GLCE: variants seen among roughly 807,000 people sequenced by gnomAD.
GLCE encodes glucuronic acid epimerase.
Under a neutral mutation model 47.9 loss-of-function variants are expected in GLCE, and 19 were observed. The observed-to-expected ratio is 0.40, with a 90% CI of 0.28 to 0.58. GLCE has a LOEUF of 0.58. GLCE is among the 20% of genes least tolerant of loss of function. The pLI is 0.48. For synonymous variants in GLCE, 245 were observed against 263.4 expected, an observed-to-expected ratio of 0.93 and a Z score of 0.68; for missense variants, 556 against 743.3, an observed-to-expected ratio of 0.75 and a Z score of 2.93.
chr15:69,209,249 CTT>C (rs1036526653), intron 1 of GLCE, among the ~76,000 whole-genome samples: 4 of 151,554 alleles, frequency 2.6e-5, no homozygotes, highest in African/African-American at 9.7e-5. Flanking sequence ...ATTTTAATAT[CTT>C]TGTTTTCTTG....
chr15:69,190,496 G>C (rs1233803252), intron 1 of GLCE, among the ~76,000 whole-genome samples: 1 of 151,978 alleles, frequency 6.6e-6, no homozygotes, highest in Non-Finnish European at 1.5e-5. Flanking sequence ...TTTTCTTCTT[G>C]ATGAATTCAT....
At position 69,270,918 on chromosome 15, in the gene GLCE, A is replaced by G. The variant is rs1229892545; in HGVS notation, c.*1674A>G. The G allele has an allele frequency of 6.6e-6, 1 of 152,206 alleles. No individual in the cohort carries two copies. 9.4% of individuals were successfully genotyped at this position (152,206 alleles called of 1,614,324 possible). A position where few individuals can be genotyped will look rare whatever the true frequency, so the allele number is the denominator to read the frequency against. ...AGCTTTTGACCTTTGCATTTCATAT[A>G]TGTTAGATGTCTCAGCAAGAATATC... is the stretch of plus-strand genomic sequence containing the variant. On this transcript the variant is annotated 3_prime_UTR_variant, in exon 5 of 5. Transcript: ENST00000261858.
intron 1 of GLCE, among the ~76,000 whole-genome samples, chr15:69,209,488 T>C (rs2052198662): frequency 6.6e-6 from 1 of 151,482 alleles, no homozygotes; most frequent in African/African-American, 2.4e-5. Context: ...TTTTCAAAAC[T>C]TTTGCCATAT....
At chr15:69,259,231 A>G (rs1313692050) in intron 3 of GLCE, among the ~76,000 whole-genome samples, 1 of 152,104 alleles carries the variant, frequency 6.6e-6, no homozygotes, top group Non-Finnish European at 1.5e-5. Flanking sequence ...TTAAAAATGT[A>G]TTTGTGTGAA....
At chr15:69,264,239 T>A (rs1004789081) in intron 4 of GLCE, among the ~76,000 whole-genome samples, 1 of 146,762 alleles carries the variant, frequency 6.8e-6, no homozygotes, top group African/African-American at 2.5e-5. Context: ...CACATATAAG[T>A]GAGATCATAC....
intron 2 of GLCE, among the ~76,000 whole-genome samples, chr15:69,226,933 T>C (rs1459978591): frequency 6.6e-6 from 1 of 151,668 alleles, no homozygotes; most frequent in East Asian, 1.9e-4. Flanking sequence ...TTAGTAGAGA[T>C]AGGGTTTCGC....
chr15:69,256,170 G>A lies in GLCE; in HGVS notation c.364G>A (p.Glu122Lys). 1 of 1,614,084 alleles carries A rather than the reference G, an allele frequency of 6.2e-7. No individual in the cohort carries two copies. The highest frequency in any genetic ancestry group is 8.5e-7 in the Non-Finnish European group (1 of 1,179,930). Reference protein sequence around the residue: ...NDEHTIKGRREGNEVFLPFTW... With the variant: ...NDEHTIKGRRKGNEVFLPFTW... ...TGAACACACAATTAAAGGGAGACGA[G>A]AGGGGAACGAAGTCTTTCTTCCATT... is the stretch of plus-strand genomic sequence containing the variant. The change falls in exon 3 of 5, where the codon GAG becomes AAG. Residue 122 changes from glutamate to lysine, a missense_variant. Glu to Lys is a moderately conservative substitution (Grantham distance 56). This residue lies in a region of GLCE where 237 missense variants were observed against 310.9 expected (regional missense o/e 0.76). Coordinates refer to ENST00000261858, the MANE Select transcript of GLCE (RefSeq NM_015554.3).
intron 3 of GLCE, chr15:69,260,855 C>G (rs1319043634): frequency 1.7e-5 from 8 of 470,280 alleles, no homozygotes; most frequent in Non-Finnish European, 3.0e-5. Context: ...TATAGCGTTG[C>G]ACTATTTGTT....
At chr15:69,195,236 A>G (rs1006063275) in intron 1 of GLCE, among the ~76,000 whole-genome samples, 6 of 152,190 alleles carry the variant, frequency 3.9e-5, no homozygotes, top group Non-Finnish European at 8.8e-5. Context: ...AATGATATTT[A>G]TAAGTATTTT....
chr15:69,176,726 A>G (rs2140335663), intron 1 of GLCE, among the ~76,000 whole-genome samples: 1 of 152,342 alleles, frequency 6.6e-6, no homozygotes, highest in African/African-American at 2.4e-5. Flanking sequence ...AGCATTTAAC[A>G]GTGCCTCATA....
At chr15:69,201,980 A>T (rs564360049) in intron 1 of GLCE, among the ~76,000 whole-genome samples, 2 of 152,100 alleles carry the variant, frequency 1.3e-5, no homozygotes, top group South Asian at 4.2e-4. Flanking sequence ...GTGCATTGGT[A>T]TGAGCACAGG....
chr15:69,215,714 A>G (rs1030545495), intron 2 of GLCE, among the ~76,000 whole-genome samples: 3 of 152,202 alleles, frequency 2.0e-5, no homozygotes, highest in South Asian at 2.1e-4. Flanking sequence ...CCTGCCACCA[A>G]TATATAAGAA....
chr15:69,225,043 G>A (rs1478148715), intron 2 of GLCE, among the ~76,000 whole-genome samples: 1 of 152,150 alleles, frequency 6.6e-6, no homozygotes, highest in Non-Finnish European at 1.5e-5. Flanking sequence ...TAGAATGGCA[G>A]CCCAAGATAA....
At chr15:69,195,778 A>G (rs2051978849) in intron 1 of GLCE, among the ~76,000 whole-genome samples, 1 of 152,112 alleles carries the variant, frequency 6.6e-6, no homozygotes, top group Non-Finnish European at 1.5e-5. Flanking sequence ...CTTTGAAACT[A>G]TTAAATTACT....
chr15:69,237,936 A>G (rs2052615173), intron 2 of GLCE, among the ~76,000 whole-genome samples: 1 of 152,204 alleles, frequency 6.6e-6, no homozygotes, highest in Admixed American at 6.5e-5. Flanking sequence ...ATTTATTTAC[A>G]TAGCATATGC....
intron 1 of GLCE, among the ~76,000 whole-genome samples, chr15:69,195,839 A>G (rs1339397844): frequency 6.6e-6 from 1 of 152,174 alleles, no homozygotes; most frequent in Admixed American, 6.5e-5. Flanking sequence ...TGGTTCATTC[A>G]TTCATTAAAC....
intron 3 of GLCE, among the ~76,000 whole-genome samples, chr15:69,257,131 A>G (rs1324740787): frequency 6.6e-6 from 1 of 152,196 alleles, no homozygotes; most frequent in Non-Finnish European, 1.5e-5. Context: ...AACTAACTAA[A>G]TATATATTTT....
intron 2 of GLCE, among the ~76,000 whole-genome samples, chr15:69,252,403 G>A (rs1393523469): frequency 1.3e-5 from 2 of 152,222 alleles, no homozygotes; most frequent in African/African-American, 2.4e-5. Context: ...CACATGGCCA[G>A]GGCAGGAGCC....
intron 3 of GLCE, among the ~76,000 whole-genome samples, chr15:69,259,133 A>G (rs1240855174): frequency 6.6e-6 from 1 of 152,200 alleles, no homozygotes; most frequent in African/African-American, 2.4e-5. Context: ...CTCTTTAACA[A>G]CTAGTGAGGT....
Sources: allele counts gnomAD v4.1 joint callset (sites outside exome capture counted in the v4.1 genomes callset), GRCh38; gene constraint gnomAD v4.1.1; regional missense constraint gnomAD v4.1.1; transcripts MANE v1.5; gene names NCBI Gene and HGNC (gene_info 2026-07-23, HGNC 2026-07-21).